The following POR variants were observed in gnomAD, a reference collection of about 807,000 sequenced individuals.
POR encodes the protein cytochrome p450 oxidoreductase, also known as NADPH--cytochrome P450 reductase.
Under a neutral mutation model 84.0 loss-of-function variants are expected in POR, and 56 were observed. That is an observed-to-expected ratio of 0.67 (90% confidence interval 0.54 to 0.83). The LOEUF is 0.83. POR is among the 40% of genes least tolerant of loss of function. The pLI is 0.00. For synonymous variants in POR, 414 were observed against 400.5 expected (o/e 1.03, Z -0.40); for missense variants, 938 against 944.3 (o/e 0.99, Z 0.09).
At chr7:75,935,426 T>C (rs1807621100) in intron 1 of POR, among the ~76,000 whole-genome samples, 2 of 152,078 alleles carry the variant, frequency 1.3e-5, no homozygotes, top group Admixed American at 6.5e-5. Context: ...TTTGTATTTT[T>C]AGTAGGGACA....
At chr7:75,981,213 TAGGC>T (rs1554557792) in intron 6 of POR, 41 bp downstream of exon 6, 2 of 1,496,510 alleles carry the variant, frequency 1.3e-6, no homozygotes, top group African/African-American at 2.8e-5. Flanking sequence ...GCGGCGGGCT[TAGGC>T]AGGGGCCGTG....
At position 75,937,603 on chromosome 7, in the gene POR, G is replaced by A. The variant is rs1263433543; in HGVS notation, c.-4-16386G>A. Among the ~76,000 whole-genome samples the A allele has an allele frequency of 5.3e-5, 8 of 150,458 alleles. No homozygotes were observed. In the East Asian group the frequency reaches 1.4e-3, roughly 26 times the overall value. ...TTGAGACCAGCCTGGCCAGCATGGC[G>A]AAACCCCATCTCTACTAAAAATACA... is the stretch of plus-strand genomic sequence containing the variant. On this transcript the variant is annotated intron_variant, in intron 1 of 15. Coordinates refer to ENST00000461988, the MANE Select transcript of POR (RefSeq NM_000941.3).
chr7:75,985,164 C>T lies in POR; in HGVS notation c.1355C>T (p.Pro452Leu), dbSNP rs72557935. 2.4e-5 allele frequency: 38 copies of T among 1,599,172 alleles called. No homozygotes were observed. Among genetic ancestry groups the T allele is most frequent in the Admixed American group, 6.7e-5 (4 of 59,948 alleles). ...ATCGACCACCTGTGTGAGCTGCTGC[C>T]GCGCCTGCAGGCCCGCTACTACTCC... The change falls in exon 12 of 16, where the codon CCG (proline) becomes CTG (leucine). Residue 452 changes from proline to leucine, a missense_variant. Coordinates refer to ENST00000461988, the MANE Select transcript of POR (RefSeq NM_000941.3).
In POR at chr7:75,979,637, G is replaced by C. The variant is rs908324590; in HGVS notation, c.366+58G>C. 4 of 1,594,098 alleles carry C rather than the reference G, an allele frequency of 2.5e-6. No individual in the cohort carries two copies. In the Admixed American group the frequency reaches 6.7e-5, roughly 27 times the overall value. ...AGGCAGTGGGTAGGACAGGGAGCAG[G>C]TCTGTAGGGCGCCCCTCAGCAGGGG... On this transcript the variant is annotated intron_variant, in intron 4 of 15. Transcript: ENST00000461988.
At chr7:75,981,361 A>G (rs1444579394) in intron 6 of POR, among the ~76,000 whole-genome samples, 156 bp from the exon 7 acceptor site, 1 of 151,810 alleles carries the variant, frequency 6.6e-6, no homozygotes, top group Non-Finnish European at 1.5e-5. Flanking sequence ...AACTCCCTGG[A>G]GCCTTCCTGA....
chr7:75,920,056 CTTTTTTTTTTTT>C (rs71519397), intron 1 of POR, among the ~76,000 whole-genome samples: 5 of 76,520 alleles, frequency 6.5e-5, no homozygotes, highest in African/African-American at 1.7e-4. Context: ...AGTTGAATTT[CTTTTTTTTTTTT>C]TTTTTTTTTT....
intron 2 of POR, among the ~76,000 whole-genome samples, chr7:75,960,955 C>A (rs1016118597): frequency 8.5e-5 from 13 of 152,224 alleles, no homozygotes; most frequent in Non-Finnish European, 1.6e-4. Flanking sequence ...GTATCAGGCC[C>A]AGCGTGGTGG....
At chr7:75,943,328 T>C (rs944670049) in intron 1 of POR, among the ~76,000 whole-genome samples, 1 of 152,124 alleles carries the variant, frequency 6.6e-6, no homozygotes, top group African/African-American at 2.4e-5. Flanking sequence ...CAGAAAAGAT[T>C]TAATATTCAC....
chr7:75,955,828 A>T (rs1327390752), intron 2 of POR, among the ~76,000 whole-genome samples: 1 of 152,196 alleles, frequency 6.6e-6, no homozygotes, highest in Non-Finnish European at 1.5e-5. Context: ...CAGAAAAGTC[A>T]TTCTCCAAGG....
At chr7:75,946,233 C>T (rs782690925) in intron 1 of POR, among the ~76,000 whole-genome samples, 6 of 151,920 alleles carry the variant, frequency 3.9e-5, no homozygotes, top group African/African-American at 1.5e-4. Flanking sequence ...CAGGTCTGCT[C>T]TATTTAGAGT....
Position 75,981,573 on chromosome 7 carries a change from A to G in POR, c.698A>G (p.His233Arg), listed in dbSNP as rs1160421171. The change falls in exon 7 of 16, where the codon CAC becomes CGC. Residue 233 changes from histidine (H) to arginine (R), a missense_variant. Coordinates refer to ENST00000461988, the MANE Select transcript of POR (RefSeq NM_000941.3). Reference sequence around the variant, plus strand: ...CAGTTCTGGCCGGCCGTGTGTGAACACTTTGGGGTGGAAGCCACTGGCGAG... The same window carrying G: ...CAGTTCTGGCCGGCCGTGTGTGAACGCTTTGGGGTGGAAGCCACTGGCGAG... 3 of 1,612,876 alleles carry G rather than the reference A, an allele frequency of 1.9e-6. No homozygotes were observed. The highest frequency in any genetic ancestry group is 2.7e-5 in the African/African-American group (2 of 74,916).
intron 1 of POR, among the ~76,000 whole-genome samples, chr7:75,934,248 G>A (rs112721158): frequency 9.6e-4 from 145 of 151,054 alleles, no homozygotes; most frequent in African/African-American, 3.3e-3. Flanking sequence ...CTTTGTCAAC[G>A]TCTCACAGTT....
intron 1 of POR, chr7:75,921,355 A>C (rs1806854350): frequency 6.8e-6 from 1 of 147,836 alleles, no homozygotes; most frequent in Non-Finnish European, 1.5e-5. Context: ...TCTGCCTCCC[A>C]GGTTCAAGTG....
intron 1 of POR, among the ~76,000 whole-genome samples, chr7:75,941,008 G>GTT: frequency 6.6e-6 from 1 of 152,102 alleles, no homozygotes; most frequent in East Asian, 1.9e-4. Flanking sequence ...AGAAATAAAA[G>GTT]TTTTTAAAAA....
intron 1 of POR, chr7:75,923,285 C>G (rs540320457): frequency 1.6e-3 from 1,933 of 1,225,754 alleles, no homozygotes; most frequent in Non-Finnish European, 2.1e-3. Flanking sequence ...AAATTGCCTT[C>G]CCAAGGAAGC....
At chr7:75,940,941 G>A (rs1807949543) in intron 1 of POR, among the ~76,000 whole-genome samples, 1 of 152,084 alleles carries the variant, frequency 6.6e-6, no homozygotes, top group South Asian at 2.1e-4. Flanking sequence ...TGCGAGGATC[G>A]CTTGAGCCCA....
chr7:75,964,414 T>G (rs1788083600), intron 2 of POR, among the ~76,000 whole-genome samples: 1 of 152,078 alleles, frequency 6.6e-6, no homozygotes, highest in Non-Finnish European at 1.5e-5. Context: ...TTCAGGCGAT[T>G]CTCCTGCTTC....
In POR at chr7:75,934,517, C is replaced by T. The variant is rs142675459; in HGVS notation, c.-5+19338C>T. 6.8e-3 allele frequency among the ~76,000 whole-genome samples: 1,034 copies of T among 152,234 alleles called. 8 individuals are homozygous for T. The highest frequency in any genetic ancestry group is 0.02 in the African/African-American group (847 of 41,544). On this transcript the variant is annotated intron_variant, in intron 1 of 15. Coordinates refer to ENST00000461988, the MANE Select transcript of POR (RefSeq NM_000941.3). ...GAATTCAAGCAGGCTGTGGAGCAACCGCTTGCTAGAGCGATTTGTAGATTT... is the reference window on the plus strand; with the variant it reads ...GAATTCAAGCAGGCTGTGGAGCAACTGCTTGCTAGAGCGATTTGTAGATTT...
chr7:75,981,440 G>A (rs1181607671), intron 6 of POR, 77 bp from the exon 7 acceptor site: 36 of 1,400,078 alleles, frequency 2.6e-5, no homozygotes, highest in African/African-American at 7.1e-5. Context: ...GGGTGGGGTC[G>A]GGGCGTGCCT....
Sources: allele counts gnomAD v4.1 joint callset (sites outside exome capture counted in the v4.1 genomes callset), GRCh38; gene constraint gnomAD v4.1.1; transcripts MANE v1.5; gene names NCBI Gene and HGNC (gene_info 2026-07-23, HGNC 2026-07-21).